SDK1: variants seen among roughly 807,000 people sequenced by gnomAD.
SDK1 encodes the protein sidekick cell adhesion molecule 1.
Under a neutral mutation model 245.5 loss-of-function variants are expected in SDK1, and 157 were observed. The ratio of observed to expected loss-of-function variants is 0.64; its 90% CI spans 0.56 to 0.73. The LOEUF is 0.73. Among genes scored for constraint, SDK1 ranks in the 30% least tolerant of loss-of-function variants. The pLI, the probability that SDK1 is intolerant of heterozygous loss-of-function variation, is 0.00. For synonymous variants in SDK1, 1,647 were observed against 1,278.5 expected (o/e 1.29, Z -6.15); for missense variants, 3,583 against 3,002.3 (o/e 1.19, Z -4.52).
intron 4 of SDK1, among the ~76,000 whole-genome samples, chr7:3,690,807 T>G (rs1384097226): frequency 6.6e-6 from 1 of 152,214 alleles, no homozygotes; most frequent in Non-Finnish European, 1.5e-5. Flanking sequence ...TGACTTGTCT[T>G]TAGACATCCA....
At chr7:4,014,415 A>T (rs1007141180) in intron 16 of SDK1, among the ~76,000 whole-genome samples, 6 of 152,198 alleles carry the variant, frequency 3.9e-5, no homozygotes, top group Admixed American at 6.5e-5. Context: ...GCAGTACCCT[A>T]GGCCTGTGAA....
At chr7:3,976,726 T>TGAGGCTGC (rs1782976066) in intron 13 of SDK1, among the ~76,000 whole-genome samples, 1 of 2,384 alleles carries the variant, frequency 4.2e-4, no homozygotes, top group Non-Finnish European at 9.2e-4. Context: ...GTCCCGGGGC[T>TGAGGCTGC]GAGGCTGCCA....
chr7:3,534,217 G>A (rs1243835364), intron 1 of SDK1, among the ~76,000 whole-genome samples: 3 of 151,944 alleles, frequency 2.0e-5, no homozygotes, highest in Non-Finnish European at 4.4e-5. Context: ...GTCACATATT[G>A]CAGGATTTCG....
chr7:3,338,631 C>CAA, intron 1 of SDK1: 2 of 185,474 alleles, frequency 1.1e-5, no homozygotes, highest in Non-Finnish European at 2.2e-5. Context: ...AACAAACAAA[C>CAA]AAAAAAAAAC....
chr7:3,561,917 C>G (rs1262957610), intron 1 of SDK1, among the ~76,000 whole-genome samples: 2 of 152,160 alleles, frequency 1.3e-5, no homozygotes, highest in Non-Finnish European at 2.9e-5. Flanking sequence ...GTTTTCTTTT[C>G]AAATGCACAT....
chr7:4,267,977 C>G lies in SDK1; in HGVS notation c.*2593C>G, dbSNP rs1424606009. 6.1e-6 allele frequency: 6 copies of G among 985,362 alleles called. No individual in the cohort carries two copies. The highest frequency in any genetic ancestry group is 7.2e-6 in the Non-Finnish European group (6 of 829,980). 61.0% of individuals were successfully genotyped at this position (985,362 alleles called of 1,614,324 possible). A position where few individuals can be genotyped will look rare whatever the true frequency, so the allele number is the denominator to read the frequency against. ...ATGCGGCATTTGAGAAGCAACAGTT[C>G]CTAACTCCTTATCTTCAGGGAAGGA... On this transcript the variant is annotated 3_prime_UTR_variant, in exon 45 of 45. Coordinates refer to ENST00000404826, the MANE Select transcript of SDK1 (RefSeq NM_152744.4).
chr7:4,248,918 C>G (rs1193215557), intron 44 of SDK1, among the ~76,000 whole-genome samples: 1 of 147,916 alleles, frequency 6.8e-6, no homozygotes, highest in Non-Finnish European at 1.5e-5. Flanking sequence ...ACCATGCACA[C>G]ATACACATAT....
intron 5 of SDK1, among the ~76,000 whole-genome samples, chr7:3,849,117 T>G (rs1166878720): frequency 6.6e-6 from 1 of 152,190 alleles, no homozygotes; most frequent in East Asian, 1.9e-4. Flanking sequence ...CGTCCGAACT[T>G]TCCCTTTCAA....
Position 4,081,697 on chromosome 7 carries a change from C to T in SDK1, c.3324+2113C>T, listed in dbSNP as rs536557060. Among the ~76,000 whole-genome samples, 2 of 152,256 alleles carry T rather than the reference C, an allele frequency of 1.3e-5. 1 individual carries two copies. Among genetic ancestry groups the T allele is most frequent in the African/African-American group, 4.8e-5 (2 of 41,554 alleles). ...CCTCCCAAATCGCTGGGATTACAGG[C>T]ATGAGCCACCGCACCTGACCTGTAA... On this transcript the variant is annotated intron_variant, in intron 22 of 44. Transcript: ENST00000404826.
intron 1 of SDK1, among the ~76,000 whole-genome samples, chr7:3,613,196 C>T (rs114963154): frequency 2.0e-5 from 3 of 152,128 alleles, no homozygotes; most frequent in African/African-American, 7.2e-5. Context: ...GCAAGACCCC[C>T]TTTCTTGATG....
chr7:3,386,964 A>C (rs1436164976), intron 1 of SDK1, among the ~76,000 whole-genome samples: 1 of 152,258 alleles, frequency 6.6e-6, no homozygotes, highest in African/African-American at 2.4e-5. Flanking sequence ...TCATGAATTC[A>C]GGCATTCTAA....
intron 4 of SDK1, among the ~76,000 whole-genome samples, chr7:3,680,010 T>A (rs931448392): frequency 6.3e-5 from 3 of 47,498 alleles, no homozygotes; most frequent in Admixed American, 1.8e-4. Flanking sequence ...TATTTGAGAT[T>A]AGTAAAAAAA....
chr7:4,234,309 T>A (rs1165133093), intron 41 of SDK1, among the ~76,000 whole-genome samples: 2 of 152,052 alleles, frequency 1.3e-5, no homozygotes, highest in Non-Finnish European at 2.9e-5. Context: ...CCACCCTGGG[T>A]CCAGGTCCAG....
chr7:3,520,718 G>C (rs1381014340), intron 1 of SDK1, among the ~76,000 whole-genome samples: 1 of 152,046 alleles, frequency 6.6e-6, no homozygotes, highest in African/African-American at 2.4e-5. Flanking sequence ...TGTTCAAGAG[G>C]GTATGTCGAT....
chr7:3,942,528 A>G (rs1351846006), intron 5 of SDK1, among the ~76,000 whole-genome samples: 1 of 152,228 alleles, frequency 6.6e-6, no homozygotes, highest in Non-Finnish European at 1.5e-5. Context: ...AAAAGAAGCC[A>G]AAGAACATAT....
At chr7:4,151,493 G>C (rs1351122887) in intron 30 of SDK1, among the ~76,000 whole-genome samples, 3 of 152,204 alleles carry the variant, frequency 2.0e-5, no homozygotes, top group Non-Finnish European at 4.4e-5. Context: ...CCCCACAACT[G>C]TGGTTATGCC....
chr7:3,466,812 C>T (rs1160534506), intron 1 of SDK1, among the ~76,000 whole-genome samples: 2 of 151,832 alleles, frequency 1.3e-5, no homozygotes, highest in African/African-American at 4.8e-5. Context: ...CTGTAAAGGA[C>T]ATTTTCATAA....
At chr7:3,403,276 A>C (rs1298137660) in intron 1 of SDK1, among the ~76,000 whole-genome samples, 2 of 152,134 alleles carry the variant, frequency 1.3e-5, no homozygotes, top group African/African-American at 4.8e-5. Flanking sequence ...GAAGATCTCT[A>C]AGATTCCTGT....
chr7:3,517,778 T>C (rs1188463184), intron 1 of SDK1, among the ~76,000 whole-genome samples: 3 of 152,286 alleles, frequency 2.0e-5, no homozygotes, highest in East Asian at 1.9e-4. Flanking sequence ...AGGTAAAGAA[T>C]TGCCTGTGCA....
Sources: allele counts gnomAD v4.1 joint callset (sites outside exome capture counted in the v4.1 genomes callset), GRCh38; gene constraint gnomAD v4.1.1; transcripts MANE v1.5; gene names NCBI Gene and HGNC (gene_info 2026-07-23, HGNC 2026-07-21).